The following ADGRE3 variants were observed in gnomAD, a reference collection of about 807,000 sequenced individuals.
The protein encoded by ADGRE3 is adhesion G protein-coupled receptor E3.
ADGRE3 carries 88 observed loss-of-function variants against 80.1 expected under a neutral mutation model. The observed-to-expected ratio is 1.10, with a 90% confidence interval of 0.93 to 1.31. The LOEUF is 1.31. Ranked by LOEUF, ADGRE3 falls within the 40% of genes most tolerant of loss-of-function variation. ADGRE3 has a pLI of 0.00. For synonymous variants in ADGRE3, 281 were observed against 294.8 expected (o/e 0.95, Z 0.48); for missense variants, 715 against 776.5 (o/e 0.92, Z 0.94).
chr19:14,668,032 C>A (rs1167310331), intron 2 of ADGRE3, among the ~76,000 whole-genome samples: 1 of 152,030 alleles, frequency 6.6e-6, no homozygotes. Context: ...GGTGGGCAGA[C>A]TGTTTGAGGC....
chr19:14,658,595 A>C, intron 4 of ADGRE3, 45 bp from the exon 5 acceptor site: 2 of 1,486,604 alleles, frequency 1.3e-6, no homozygotes, highest in Non-Finnish European at 1.8e-6. Context: ...ACTGAGAGTG[A>C]CCAGGCAGAG....
chr19:14,658,447 G>T, intron 5 of ADGRE3, 66 bp downstream of exon 5: 4 of 1,299,108 alleles, frequency 3.1e-6, no homozygotes, highest in South Asian at 1.6e-5. Flanking sequence ...CTCACTTTGG[G>T]CTTTGTAAAT....
intron 8 of ADGRE3, 43 bp downstream of exon 8, chr19:14,647,138 C>A (rs750651026): frequency 1.7e-5 from 26 of 1,548,238 alleles, no homozygotes; most frequent in Non-Finnish European, 1.2e-5. Flanking sequence ...GTTTGGCCTG[C>A]CTCCTTGAGA....
chr19:14,646,100 GA>G (rs1365846989), intron 8 of ADGRE3, among the ~76,000 whole-genome samples: 4 of 152,002 alleles, frequency 2.6e-5, no homozygotes, highest in African/African-American at 9.7e-5. Flanking sequence ...TATTATCAAG[GA>G]GATATTTTAC....
rs1972013134 is a variant in ADGRE3 at position 14,663,536 on chromosome 19, G to T, written c.81C>A (p.Ser27=). ...FGAVTQKTKT[S]CAKCPPNASC... The stretch of plus-strand genomic sequence containing the variant: ...AAGCATTTGGGGGGCACTTAGCACA[G>T]GAAGCTGCAGGGAGAAGAGAGGCAG... Residue 27 remains serine (S), a synonymous_variant, in exon 3 of 16, where the codon TCC becomes TCA. Coordinates refer to ENST00000253673, the MANE Select transcript of ADGRE3 (RefSeq NM_032571.5). 8.7e-6 allele frequency: 14 copies of T among 1,612,690 alleles called. No individual in the cohort carries two copies. The East Asian group carries it at 3.1e-4, about 36-fold the overall frequency.
chr19:14,668,951 T>C, intron 1 of ADGRE3, 99 bp from the exon 2 acceptor site: 1 of 1,176,102 alleles, frequency 8.5e-7, no homozygotes, highest in South Asian at 1.3e-5. Flanking sequence ...TATCACTGTG[T>C]AACAAATTAC....
At chr19:14,663,383 A>G in intron 3 of ADGRE3, 35 bp downstream of exon 3, 1 of 1,274,542 alleles carries the variant, frequency 7.8e-7, no homozygotes, top group Non-Finnish European at 1.0e-6. Context: ...ATGATAATAA[A>G]ATAATAATAA....
At chr19:14,629,951 T>G in intron 14 of ADGRE3, 88 bp downstream of exon 14, 1 of 850,390 alleles carries the variant, frequency 1.2e-6, no homozygotes, top group Non-Finnish European at 1.8e-6. Context: ...ATGTGGAACA[T>G]TTAGAGAATG....
At chr19:14,605,385 C>T in the ADGRE3 span, among the ~76,000 whole-genome samples, 1 of 152,058 alleles carries the variant, frequency 6.6e-6, no homozygotes, top group Non-Finnish European at 1.5e-5. Context: ...CATGAGCCAC[C>T]GCGCCCGGCC....
At chr19:14,611,719 T>C in the ADGRE3 span, among the ~76,000 whole-genome samples, 1 of 152,060 alleles carries the variant, frequency 6.6e-6, no homozygotes, top group Non-Finnish European at 1.5e-5. Context: ...TTCACTTTAC[T>C]TGCCAGGCAC....
chr19:14,607,033 G>A, the ADGRE3 span: 1 of 1,340,166 alleles, frequency 7.5e-7, no homozygotes, highest in Non-Finnish European at 9.6e-7. Flanking sequence ...CGGGTGTACT[G>A]GCTGGGGCTG....
Position 14,627,401 on chromosome 19 carries a change from G to A in ADGRE3, c.1813-1802C>T, listed in dbSNP as rs186031104. Among the ~76,000 whole-genome samples the A allele has an allele frequency of 1.8e-3, 279 of 151,794 alleles. 1 individual carries two copies. The highest frequency in any genetic ancestry group is 6.4e-3 in the African/African-American group (263 of 41,396). ...AGTTTCTTTTGTTTTTTTTTGAGAC[G>A]GAGTCTCGCTCTGTTGCTCAGGCTG... is the stretch of plus-strand genomic sequence containing the variant. On this transcript the variant is annotated intron_variant, in intron 14 of 15. Transcript: ENST00000253673.
chr19:14,635,460 A>C (rs2076401446), intron 11 of ADGRE3, among the ~76,000 whole-genome samples: 1 of 143,242 alleles, frequency 7.0e-6, no homozygotes. Flanking sequence ...CCCAGGCTGG[A>C]GAGTGCAATG....
At position 14,620,561 on chromosome 19, in the gene ADGRE3, TATATA is replaced by T. The variant is rs1568471624; in HGVS notation, c.1921-1095_1921-1091del. ...TTTATATATATATTATATATATATA[TATATA>T]TATTTTTTTTTTTTTTTTTTTTTTT... On this transcript the variant is annotated intron_variant, in intron 15 of 15. Coordinates refer to ENST00000253673, the MANE Select transcript of ADGRE3 (RefSeq NM_032571.5). 1.5e-4 allele frequency among the ~76,000 whole-genome samples: 6 copies of T among 39,252 alleles called. 1 individual carries two copies. Among genetic ancestry groups the T allele is most frequent in the African/African-American group, 7.0e-4 (6 of 8,624 alleles). The allele number at this position is 39,252 out of a possible 152,430, so 25.8% of individuals were successfully genotyped here.
At chr19:14,620,558 A>ATATAT (rs1970563484) in intron 15 of ADGRE3, among the ~76,000 whole-genome samples, 2 of 23,584 alleles carry the variant, frequency 8.5e-5, no homozygotes, top group African/African-American at 1.8e-4. Flanking sequence ...TTATATATAT[A>ATATAT]TATATATATA....
At chr19:14,606,994 A>G in the ADGRE3 span, 1 of 1,276,050 alleles carries the variant, frequency 7.8e-7, no homozygotes, top group East Asian at 3.0e-5. Flanking sequence ...TATTTGCAGA[A>G]TTTTGTGGCC....
the ADGRE3 span, among the ~76,000 whole-genome samples, chr19:14,601,628 T>C: frequency 1.3e-5 from 2 of 151,998 alleles, no homozygotes; most frequent in African/African-American, 4.8e-5. Flanking sequence ...TCCTTTTTTC[T>C]GTTTTTCAGG....
chr19:14,673,633 C>T (rs572977504), intron 1 of ADGRE3, among the ~76,000 whole-genome samples: 1 of 152,208 alleles, frequency 6.6e-6, no homozygotes, highest in Admixed American at 6.5e-5. Context: ...CCCCAGTTTT[C>T]TTATCTGTAA....
chr19:14,665,531 T>C (rs1275344808), intron 2 of ADGRE3, among the ~76,000 whole-genome samples: 2 of 151,978 alleles, frequency 1.3e-5, no homozygotes, highest in Admixed American at 6.6e-5. Context: ...CGCTCTATTG[T>C]CCAGGCTGGC....
Sources: gnomAD v4.1 joint callset for allele counts (sites outside exome capture counted in the v4.1 genomes callset) on GRCh38, gnomAD v4.1.1 for gene constraint, MANE v1.5 for transcripts, NCBI Gene and HGNC (gene_info 2026-07-23, HGNC 2026-07-21) for gene names.